LMX1A: variants seen among roughly 807,000 people sequenced by gnomAD.
The protein encoded by LMX1A is LIM homeobox transcription factor 1 alpha.
In LMX1A, 15 loss-of-function variants were observed where a neutral mutation model predicts 49.1. The observed-to-expected ratio is 0.31, with a 90% CI of 0.20 to 0.47. The LOEUF is 0.47. LMX1A is among the 20% of genes least tolerant of loss of function. The probability of loss-of-function intolerance (pLI) is 1.00; values close to 1 mark genes in which losing one functional copy is unlikely to be tolerated. For synonymous variants in LMX1A, 167 were observed against 185.7 expected, an observed-to-expected ratio of 0.90 and a Z score of 0.82; for missense variants, 372 against 475.8, an observed-to-expected ratio of 0.78 and a Z score of 2.03.
chr1:165,355,408 C>T lies in LMX1A; in HGVS notation c.76+76G>A. ...CTAGCTTCCCTATCGCGGACCAGGT[C>T]CCAGAGAGCGGGGCTCCAGAGCTCA... On this transcript the variant is annotated intron_variant, in intron 2 of 8. Transcript: ENST00000342310. The surrounding 1 kb of genome is among the most constrained non-coding windows in gnomAD (Gnocchi z 4.7). 7.0e-7 allele frequency: 1 copy of T among 1,438,132 alleles called. No homozygotes were observed. The highest frequency in any genetic ancestry group is 2.3e-5 in the East Asian group (1 of 42,992). 89.1% of individuals were successfully genotyped at this position (1,438,132 alleles called of 1,614,324 possible).
At chr1:165,256,220 T>C (rs1334239786) in intron 3 of LMX1A, among the ~76,000 whole-genome samples, 1 of 152,128 alleles carries the variant, frequency 6.6e-6, no homozygotes, top group African/African-American at 2.4e-5. Flanking sequence ...AACTCAGCCA[T>C]CCTGCCCTAG....
chr1:165,217,523 CGAG>C (rs1348120232), intron 4 of LMX1A, among the ~76,000 whole-genome samples: 3 of 152,134 alleles, frequency 2.0e-5, no homozygotes, highest in African/African-American at 4.8e-5. Flanking sequence ...GTTTTCAAAA[CGAG>C]GAGAAGAGAA....
chr1:165,299,072 G>A (rs1654703377), intron 3 of LMX1A, among the ~76,000 whole-genome samples: 1 of 152,212 alleles, frequency 6.6e-6, no homozygotes, highest in South Asian at 2.1e-4. Flanking sequence ...TCCAAGGGTA[G>A]TATGTTTCAG....
At position 165,205,976 on chromosome 1, in the gene LMX1A, AG is replaced by A; in HGVS notation, c.875del (p.Ala292ValfsTer62). 1 of 1,612,510 alleles carries A rather than the reference AG, an allele frequency of 6.2e-7. No homozygotes were observed. Among genetic ancestry groups the A allele is most frequent in the Non-Finnish European group, 8.5e-7 (1 of 1,179,346 alleles). On this transcript the variant is annotated frameshift_variant, in exon 8 of 9. Coordinates refer to ENST00000342310, the MANE Select transcript of LMX1A (RefSeq NM_177398.4). LOFTEE classifies it high-confidence loss of function. The part of the protein sequence containing the change: ...GMEGIMNPYT[A>X]LPTPQQLLAI... ...CCAGGAGCTGCTGTGGGGTGGGCAG[AG>A]CCGTGTAGGGGTTCATGATTCCTTC...
At chr1:165,336,806 C>A (rs189825263) in intron 3 of LMX1A, among the ~76,000 whole-genome samples, 1 of 152,060 alleles carries the variant, frequency 6.6e-6, no homozygotes, top group Admixed American at 6.6e-5. Context: ...GACTTGTGAG[C>A]GAAACAATAA....
intron 3 of LMX1A, among the ~76,000 whole-genome samples, chr1:165,303,395 G>A (rs1377232940): frequency 6.6e-6 from 1 of 152,178 alleles, no homozygotes. Context: ...TGGGGGCTGG[G>A]AACGCTTCAT....
chr1:165,238,519 A>G (rs959214525), intron 4 of LMX1A, among the ~76,000 whole-genome samples: 2 of 152,182 alleles, frequency 1.3e-5, no homozygotes, highest in African/African-American at 4.8e-5. Flanking sequence ...AGAGGTACCC[A>G]TGAGAAGTAT....
At chr1:165,341,895 C>T (rs1195093372) in intron 3 of LMX1A, among the ~76,000 whole-genome samples, 1 of 152,018 alleles carries the variant, frequency 6.6e-6, no homozygotes, top group Non-Finnish European at 1.5e-5. Context: ...ATTAATGAAC[C>T]AACTGTTTAT....
chr1:165,276,830 T>G (rs1475221240), intron 3 of LMX1A, among the ~76,000 whole-genome samples: 1 of 152,210 alleles, frequency 6.6e-6, no homozygotes, highest in African/African-American at 2.4e-5. Flanking sequence ...GCATAGGAAT[T>G]CTGTACATGT....
intron 3 of LMX1A, among the ~76,000 whole-genome samples, chr1:165,254,655 A>G (rs1302831155): frequency 6.6e-6 from 1 of 152,162 alleles, no homozygotes; most frequent in Non-Finnish European, 1.5e-5. Context: ...ACAAGCAGAG[A>G]AAAGGGTTTG....
intron 3 of LMX1A, among the ~76,000 whole-genome samples, chr1:165,295,907 G>A (rs1327403110): frequency 1.3e-5 from 2 of 152,038 alleles, no homozygotes; most frequent in Non-Finnish European, 2.9e-5. Context: ...CACCAGGTCT[G>A]GGGTGCCATC....
chr1:165,327,264 C>T (rs547615241), intron 3 of LMX1A, among the ~76,000 whole-genome samples: 7 of 152,252 alleles, frequency 4.6e-5, no homozygotes, highest in South Asian at 2.1e-4. Flanking sequence ...AGCAGTACTC[C>T]AAGGAGAGAA....
At chr1:165,298,381 C>T (rs1245973488) in intron 3 of LMX1A, among the ~76,000 whole-genome samples, 5 of 152,052 alleles carry the variant, frequency 3.3e-5, no homozygotes, top group Admixed American at 3.3e-4. Context: ...GCTGAGGCAG[C>T]CATCAGGGAC....
chr1:165,295,330 T>C (rs999213460), intron 3 of LMX1A, among the ~76,000 whole-genome samples: 5 of 151,584 alleles, frequency 3.3e-5, no homozygotes, highest in Non-Finnish European at 2.9e-5. Flanking sequence ...GATAGTAAGA[T>C]GATGGGTAAT....
intron 3 of LMX1A, among the ~76,000 whole-genome samples, chr1:165,282,300 A>C (rs1439333082): frequency 1.3e-5 from 2 of 152,108 alleles, no homozygotes; most frequent in Non-Finnish European, 2.9e-5. Context: ...TTCTCAAGGG[A>C]TTGGCTCCAG....
intron 4 of LMX1A, among the ~76,000 whole-genome samples, chr1:165,221,649 C>CGT (rs1651849515): frequency 6.6e-6 from 1 of 152,184 alleles, no homozygotes; most frequent in Admixed American, 6.5e-5. Flanking sequence ...TCAGCTCAGA[C>CGT]GTCCAGGCAG....
At chr1:165,255,620 C>T (rs1653208870) in intron 3 of LMX1A, among the ~76,000 whole-genome samples, 1 of 152,170 alleles carries the variant, frequency 6.6e-6, no homozygotes, top group East Asian at 1.9e-4. Flanking sequence ...GGGCCTTTAT[C>T]ATTTGACCTT....
intron 3 of LMX1A, among the ~76,000 whole-genome samples, chr1:165,293,237 T>C (rs6692353): frequency 0.14 from 20,923 of 152,158 alleles, 1,868 homozygotes; most frequent in Non-Finnish European, 0.2. Context: ...GTTCACTGAG[T>C]GTTCCTTCAA....
chr1:165,239,276 T>C (rs920073485), intron 4 of LMX1A, among the ~76,000 whole-genome samples: 2 of 152,226 alleles, frequency 1.3e-5, no homozygotes, highest in Admixed American at 1.3e-4. Context: ...GTATGGTCAA[T>C]GTAAAAAGGA....
Sources: gnomAD v4.1 joint callset for allele counts (sites outside exome capture counted in the v4.1 genomes callset) on GRCh38, gnomAD v4.1.1 for gene constraint, Gnocchi (gnomAD v3.1) non-coding constraint, MANE v1.5 for transcripts, NCBI Gene and HGNC (gene_info 2026-07-23, HGNC 2026-07-21) for gene names.